Variants in NLGN1 observed in about 807,000 individuals in gnomAD.
NLGN1 encodes neuroligin 1, also known as neuroligin-1.
Under a neutral mutation model 65.5 loss-of-function variants are expected in NLGN1, and 12 were observed. The ratio of observed to expected loss-of-function variants is 0.18; its 90% CI spans 0.12 to 0.30. The LOEUF (loss-of-function observed/expected upper bound fraction) is 0.30, where lower values mean the gene tolerates loss of function less well. Among genes scored for constraint, NLGN1 ranks in the 10% least tolerant of loss-of-function variants. NLGN1 has a pLI of 1.00. For synonymous variants in NLGN1, 350 were observed against 359.5 expected (o/e 0.97, Z 0.30); for missense variants, 750 against 1,007.1 (o/e 0.74, Z 3.46).
At chr3:173,682,588 CAAA>C (rs755337219) in intron 3 of NLGN1, among the ~76,000 whole-genome samples, 2 of 41,402 alleles carry the variant, frequency 4.8e-5, no homozygotes, top group Non-Finnish European at 8.4e-5. Flanking sequence ...GACACTGTCT[CAAA>C]AAAAAAAAAA....
At chr3:173,605,120 A>G in intron 3 of NLGN1, 29 bp downstream of exon 2, 1 of 1,508,442 alleles carries the variant, frequency 6.6e-7, no homozygotes, top group Non-Finnish European at 8.9e-7. Flanking sequence ...AAACAGGGAG[A>G]TATATTTATA....
chr3:174,260,524 A>T (rs1168565322), intron 4 of NLGN1, among the ~76,000 whole-genome samples: 1 of 150,248 alleles, frequency 6.7e-6, no homozygotes, highest in African/African-American at 2.5e-5. Flanking sequence ...CCACTTTTTG[A>T]TGGGGTTGTT....
intron 4 of NLGN1, among the ~76,000 whole-genome samples, chr3:174,058,778 A>G (rs188641264): frequency 6.6e-6 from 1 of 152,148 alleles, no homozygotes; most frequent in Admixed American, 6.6e-5. Context: ...CCTTATAGTA[A>G]TCCATGTCAT....
At chr3:174,174,970 T>C (rs775425075) in intron 4 of NLGN1, among the ~76,000 whole-genome samples, 1 of 151,998 alleles carries the variant, frequency 6.6e-6, no homozygotes, top group Non-Finnish European at 1.5e-5. Context: ...AAATTCTTCT[T>C]GTTATTAATT....
intron 4 of NLGN1, among the ~76,000 whole-genome samples, chr3:174,047,364 C>A (rs1051540436): frequency 6.6e-6 from 1 of 151,924 alleles, no homozygotes; most frequent in African/African-American, 2.4e-5. Flanking sequence ...TCAATTTTAG[C>A]CAAGGTCCAA....
chr3:173,893,796 G>C (rs1735814250), intron 4 of NLGN1, among the ~76,000 whole-genome samples: 1 of 151,938 alleles, frequency 6.6e-6, no homozygotes, highest in Non-Finnish European at 1.5e-5. Flanking sequence ...GTTTTCCTCT[G>C]CTTAAAATTC....
intron 4 of NLGN1, among the ~76,000 whole-genome samples, chr3:174,261,545 G>A (rs1200075309): frequency 6.3e-5 from 9 of 143,162 alleles, no homozygotes; most frequent in African/African-American, 2.1e-4. Flanking sequence ...TGTATCCTGA[G>A]ACTTTGCTGA....
rs576625449 is a variant in NLGN1 at position 173,958,783 on chromosome 3, T to C, written c.646+150951T>C. Among the ~76,000 whole-genome samples, 208 of 152,304 alleles carry C rather than the reference T, an allele frequency of 1.4e-3. 3 individuals carry two copies. Among genetic ancestry groups the C allele is most frequent in the African/African-American group, 4.8e-3 (199 of 41,576 alleles). On this transcript the variant is annotated intron_variant, in intron 4 of 6. Transcript: ENST00000457714. Reference sequence around the variant, plus strand: ...CCATTGTTCATGGCACCCAGGCTGTTCATGCTGAGAGATGCCTGCAGGCCA... The same window carrying C: ...CCATTGTTCATGGCACCCAGGCTGTCCATGCTGAGAGATGCCTGCAGGCCA...
intron 4 of NLGN1, among the ~76,000 whole-genome samples, chr3:173,949,736 T>C (rs140500600): frequency 1.6e-3 from 250 of 152,290 alleles, no homozygotes; most frequent in African/African-American, 5.6e-3. Flanking sequence ...GAAAATTAAA[T>C]AGAACCAGAA....
chr3:173,898,455 T>G (rs904232080), intron 4 of NLGN1, among the ~76,000 whole-genome samples: 1 of 152,208 alleles, frequency 6.6e-6, no homozygotes, highest in Non-Finnish European at 1.5e-5. Flanking sequence ...AAATAGACCA[T>G]GTCAAGGTAT....
intron 4 of NLGN1, among the ~76,000 whole-genome samples, chr3:174,072,904 C>T (rs1453104850): frequency 1.3e-5 from 2 of 152,016 alleles, no homozygotes; most frequent in Non-Finnish European, 2.9e-5. Context: ...ATAAATGACT[C>T]AACTTGAAGA....
intron 3 of NLGN1, among the ~76,000 whole-genome samples, chr3:173,790,975 G>A (rs1008737905): frequency 6.6e-6 from 1 of 152,086 alleles, no homozygotes; most frequent in East Asian, 1.9e-4. Flanking sequence ...TTATCAATTA[G>A]TATTAATGTA....
the NLGN1 span, among the ~76,000 whole-genome samples, chr3:174,294,074 T>C: frequency 1.3e-5 from 2 of 151,872 alleles, no homozygotes; most frequent in Non-Finnish European, 3.0e-5. Context: ...AAAGATGTTA[T>C]TCAAATTTAC....
rs1729387163 is a variant in NLGN1 at position 174,176,019 on chromosome 3, A to G, written c.647-99296A>G. On this transcript the variant is annotated intron_variant, in intron 4 of 6. Transcript: ENST00000457714. The stretch of plus-strand genomic sequence containing the variant: ...TATTAAATCTGCCTACTTAAACATA[A>G]ACAACTCAAAACATACACAATTGGG... 4.6e-5 allele frequency among the ~76,000 whole-genome samples: 7 copies of G among 151,318 alleles called. No individual in the cohort carries two copies. The South Asian group carries it at 1.5e-3, about 31-fold the overall frequency.
chr3:174,001,001 A>C (rs112418030), intron 4 of NLGN1, among the ~76,000 whole-genome samples: 1 of 152,170 alleles, frequency 6.6e-6, no homozygotes, highest in African/African-American at 2.4e-5. Context: ...AGCTGAGTGC[A>C]CACTGCCTGT....
At chr3:174,240,767 T>A (rs992565610) in intron 4 of NLGN1, among the ~76,000 whole-genome samples, 1 of 152,176 alleles carries the variant, frequency 6.6e-6, no homozygotes, top group South Asian at 2.1e-4. Flanking sequence ...GAAAGCAAAG[T>A]AGGGGTTCAA....
At chr3:173,550,444 G>T (rs1464254825) in intron 2 of NLGN1, among the ~76,000 whole-genome samples, 2 of 152,008 alleles carry the variant, frequency 1.3e-5, no homozygotes, top group Non-Finnish European at 2.9e-5. Context: ...GAGCAGGAAG[G>T]TAAAGGAAAT....
chr3:173,653,988 A>G (rs1759600925), intron 3 of NLGN1, among the ~76,000 whole-genome samples: 1 of 152,154 alleles, frequency 6.6e-6, no homozygotes. Context: ...GGATAGCCAC[A>G]TGAGTGAGTC....
intron 4 of NLGN1, among the ~76,000 whole-genome samples, chr3:174,177,103 T>C (rs1297033430): frequency 6.6e-6 from 1 of 152,092 alleles, no homozygotes; most frequent in Admixed American, 6.6e-5. Context: ...ATTTATGTGC[T>C]CCTAGCTGTG....
Sources: allele counts gnomAD v4.1 joint callset (sites outside exome capture counted in the v4.1 genomes callset), GRCh38; gene constraint gnomAD v4.1.1; transcripts MANE v1.5; gene names NCBI Gene and HGNC (gene_info 2026-07-23, HGNC 2026-07-21).